The following PLCE1 variants were observed in gnomAD, a reference collection of about 807,000 sequenced individuals.
PLCE1 encodes the protein phospholipase C epsilon 1.
PLCE1 carries 119 observed loss-of-function variants against 242.8 expected under a neutral mutation model. That is an observed-to-expected ratio of 0.49 (90% CI 0.42 to 0.57). The LOEUF (loss-of-function observed/expected upper bound fraction) is 0.57. Among genes scored for constraint, PLCE1 ranks in the 20% least tolerant of loss-of-function variants. The probability of loss-of-function intolerance (pLI) is 0.00; values close to 1 mark genes in which losing one functional copy is unlikely to be tolerated. For synonymous variants in PLCE1, 945 were observed against 1,017.4 expected, an observed-to-expected ratio of 0.93 and a Z score of 1.35; for missense variants, 2,441 against 2,788.8, an observed-to-expected ratio of 0.88 and a Z score of 2.81.
intron 22 of PLCE1, among the ~76,000 whole-genome samples, chr10:94,292,925 A>ATT (rs2052690372): frequency 1.3e-5 from 2 of 152,240 alleles, no homozygotes; most frequent in Admixed American, 6.5e-5. Context: ...TGTGCCAGGC[A>ATT]TGAAGCATCC....
intron 4 of PLCE1, among the ~76,000 whole-genome samples, chr10:94,226,642 A>G (rs2049948623): frequency 6.6e-6 from 1 of 151,892 alleles, no homozygotes; most frequent in Non-Finnish European, 1.5e-5. Flanking sequence ...TCTTTAACTG[A>G]TGGGTTAAGT....
chr10:94,124,381 G>GAA (rs981911349), intron 2 of PLCE1, among the ~76,000 whole-genome samples: 411 of 58,574 alleles, frequency 7.0e-3, no homozygotes, highest in African/African-American at 0.019. Flanking sequence ...TTGTCTCAGA[G>GAA]AAAAAAAAAA....
intron 20 of PLCE1, chr10:94,280,201 C>G: frequency 2.3e-6 from 1 of 439,802 alleles, no homozygotes; most frequent in Non-Finnish European, 4.2e-6. Flanking sequence ...TGTTTTCACC[C>G]TTTAGTTTCT....
intron 23 of PLCE1, among the ~76,000 whole-genome samples, chr10:94,296,770 A>T (rs562688106): frequency 7.2e-4 from 109 of 152,294 alleles, no homozygotes; most frequent in African/African-American, 2.5e-3. Flanking sequence ...CTTTGCATTC[A>T]TAACTTAGCT....
intron 2 of PLCE1, among the ~76,000 whole-genome samples, chr10:94,117,484 G>C (rs187315767): frequency 6.6e-6 from 1 of 152,168 alleles, no homozygotes; most frequent in South Asian, 2.1e-4. Context: ...CCAAACACTC[G>C]TTGCACTGAC....
chr10:94,245,850 G>C, intron 7 of PLCE1, 96 bp from the exon 8 acceptor site: 2 of 938,290 alleles, frequency 2.1e-6, no homozygotes, highest in Non-Finnish European at 3.5e-6. Flanking sequence ...TGAATTCATA[G>C]TGCGATGAAA....
At chr10:94,296,136 G>A (rs955988108) in intron 23 of PLCE1, among the ~76,000 whole-genome samples, 1 of 152,158 alleles carries the variant, frequency 6.6e-6, no homozygotes, top group Non-Finnish European at 1.5e-5. Context: ...GCTGAGGCAG[G>A]TGGATCACAA....
intron 2 of PLCE1, among the ~76,000 whole-genome samples, chr10:94,086,039 A>G (rs1415517592): frequency 6.6e-6 from 1 of 152,216 alleles, no homozygotes; most frequent in Admixed American, 6.5e-5. Context: ...TCCTGGGGGC[A>G]TGGCAGCAAG....
intron 24 of PLCE1, among the ~76,000 whole-genome samples, chr10:94,299,882 T>C (rs1433227430): frequency 2.0e-5 from 3 of 152,268 alleles, no homozygotes; most frequent in Non-Finnish European, 2.9e-5. Context: ...GCCTGGCACA[T>C]AGAAAGCATT....
At chr10:94,264,929 G>T (rs2051458402) in intron 14 of PLCE1, among the ~76,000 whole-genome samples, 1 of 152,168 alleles carries the variant, frequency 6.6e-6, no homozygotes, top group Non-Finnish European at 1.5e-5. Context: ...GAAGTTTGAG[G>T]CCAGGCTGGG....
intron 2 of PLCE1, chr10:94,107,226 G>A (rs898218362): frequency 3.9e-5 from 6 of 152,176 alleles, no homozygotes; most frequent in African/African-American, 1.4e-4. Flanking sequence ...ATTAAGAAAG[G>A]AACAAAGAGT....
intron 20 of PLCE1, chr10:94,283,379 G>A (rs1307656934): frequency 4.1e-6 from 1 of 241,136 alleles, no homozygotes; most frequent in Non-Finnish European, 8.2e-6. Flanking sequence ...AGTCAATCAT[G>A]TATGTACCTT....
chr10:94,201,088 A>G (rs1409211910), intron 4 of PLCE1, among the ~76,000 whole-genome samples: 1 of 152,236 alleles, frequency 6.6e-6, no homozygotes, highest in Non-Finnish European at 1.5e-5. Flanking sequence ...TTTAGTTCAT[A>G]GTCATGCATC....
intron 24 of PLCE1, among the ~76,000 whole-genome samples, chr10:94,299,958 A>T (rs969303698): frequency 1.3e-5 from 2 of 152,256 alleles, no homozygotes; most frequent in African/African-American, 4.8e-5. Flanking sequence ...TTGGGCTCAC[A>T]AATGGAAATA....
At chr10:94,148,768 CAG>C (rs1706673236) in intron 3 of PLCE1, among the ~76,000 whole-genome samples, 1 of 152,160 alleles carries the variant, frequency 6.6e-6, no homozygotes, top group South Asian at 2.1e-4. Context: ...AACACAGAAA[CAG>C]ATATGTTCAG....
At chr10:94,255,172 A>G in intron 11 of PLCE1, 123 bp downstream of exon 11, 2 of 1,276,730 alleles carry the variant, frequency 1.6e-6, no homozygotes, top group Non-Finnish European at 2.2e-6. Context: ...TTGAACTGAA[A>G]ACTGAAAAAT....
At chr10:94,150,026 T>A (rs74151073) in intron 3 of PLCE1, among the ~76,000 whole-genome samples, 3,345 of 152,270 alleles carry the variant, frequency 0.022, 103 homozygotes, top group African/African-American at 0.076. Flanking sequence ...ATGGAGTGAA[T>A]GAGCCATGTG....
At chr10:94,002,864 G>A (rs2060958290) in intron 1 of PLCE1, among the ~76,000 whole-genome samples, 2 of 152,176 alleles carry the variant, frequency 1.3e-5, no homozygotes, top group Admixed American at 6.5e-5. Context: ...TAGATTCCTT[G>A]CTTAACATTC....
chr10:94,320,540 C>G (rs2053760633), intron 29 of PLCE1, among the ~76,000 whole-genome samples: 1 of 152,200 alleles, frequency 6.6e-6, no homozygotes, highest in African/African-American at 2.4e-5. Flanking sequence ...AAGATAGCGA[C>G]AGCAACTCAT....
Sources: gnomAD v4.1 joint callset for allele counts (sites outside exome capture counted in the v4.1 genomes callset) on GRCh38, gnomAD v4.1.1 for gene constraint, MANE v1.5 for transcripts, NCBI Gene and HGNC (gene_info 2026-07-23, HGNC 2026-07-21) for gene names.